ZC3H12B: variants seen among roughly 807,000 people sequenced by gnomAD.
ZC3H12B encodes the protein zinc finger CCCH-type containing 12B.
In ZC3H12B, 7 loss-of-function variants were observed where a neutral mutation model predicts 43.9. The observed-to-expected ratio is 0.16, with a 90% CI of 0.09 to 0.30. The LOEUF is 0.30. Among genes scored for constraint, ZC3H12B ranks in the 10% least tolerant of loss-of-function variants. ZC3H12B has a pLI of 1.00. For missense variants in ZC3H12B, 475 were observed against 670.2 expected (o/e 0.71, Z 3.22); for synonymous variants, 222 against 241.7 (o/e 0.92, Z 0.76).
At chrX:65,264,320 T>G in the ZC3H12B span, among the ~76,000 whole-genome samples, 6 of 111,322 alleles carry the variant, frequency 5.4e-5, no homozygotes, top group Non-Finnish European at 1.1e-4. Context: ...CAAAAAAAAA[T>G]TGAGTGTTTT....
At chrX:65,263,785 A>G in the ZC3H12B span, among the ~76,000 whole-genome samples, 2 of 111,356 alleles carry the variant, frequency 1.8e-5, no homozygotes, top group African/African-American at 6.5e-5. Context: ...TAGATCTATT[A>G]TTCAATCCAG....
chrX:65,251,910 A>C, the ZC3H12B span, among the ~76,000 whole-genome samples: 2 of 111,216 alleles, frequency 1.8e-5, no homozygotes, highest in Non-Finnish European at 3.8e-5. Flanking sequence ...CTCTTTTCCT[A>C]ATTGAATACC....
At chrX:65,180,240 C>T in the ZC3H12B span, among the ~76,000 whole-genome samples, 1 of 111,790 alleles carries the variant, frequency 8.9e-6, no homozygotes, top group East Asian at 2.8e-4. Flanking sequence ...ATAAACAGAA[C>T]CAATGACAAA....
At chrX:65,467,730 T>C (rs2067844798) in intron 3 of ZC3H12B, among the ~76,000 whole-genome samples, 1 of 112,472 alleles carries the variant, frequency 8.9e-6, no homozygotes. Flanking sequence ...CATATGTTTG[T>C]TGGCCATTTG....
At chrX:65,495,025 T>C (rs2068259190) in intron 1 of ZC3H12B, among the ~76,000 whole-genome samples, 1 of 111,402 alleles carries the variant, frequency 9.0e-6, no homozygotes, top group Non-Finnish European at 1.9e-5. Context: ...AGTGGGAAAA[T>C]TCACAACTGA....
the ZC3H12B span, among the ~76,000 whole-genome samples, chrX:65,229,063 C>A: frequency 1.8e-5 from 2 of 110,334 alleles, no homozygotes; most frequent in Non-Finnish European, 3.8e-5. Context: ...CAAAAAAGAG[C>A]CCACATCGCC....
the ZC3H12B span, among the ~76,000 whole-genome samples, chrX:65,337,168 G>A: frequency 9.0e-6 from 1 of 111,021 alleles, no homozygotes; most frequent in Non-Finnish European, 1.9e-5. Flanking sequence ...CTTTACCCAG[G>A]TACCCCACCA....
At chrX:65,180,273 A>T in the ZC3H12B span, among the ~76,000 whole-genome samples, 2 of 112,124 alleles carry the variant, frequency 1.8e-5, no homozygotes, top group Admixed American at 9.5e-5. Flanking sequence ...ATCTCAATAG[A>T]TGTAGAAAAA....
At chrX:65,136,004 T>C in the ZC3H12B span, among the ~76,000 whole-genome samples, 1 of 111,601 alleles carries the variant, frequency 9.0e-6, no homozygotes, top group Non-Finnish European at 1.9e-5. Flanking sequence ...ATTTGTCAGA[T>C]TATTGCAATT....
chrX:65,061,075 A>G, the ZC3H12B span, among the ~76,000 whole-genome samples: 1 of 111,784 alleles, frequency 8.9e-6, no homozygotes, highest in Non-Finnish European at 1.9e-5. Context: ...GTAGCTACTA[A>G]TGATCCTTTG....
At chrX:65,169,283 G>A in the ZC3H12B span, among the ~76,000 whole-genome samples, 10 of 111,830 alleles carry the variant, frequency 8.9e-5, no homozygotes, top group Admixed American at 4.8e-4. Flanking sequence ...GCCTTCATTT[G>A]ATTATGTACC....
chrX:65,034,977 G>C, the ZC3H12B span, among the ~76,000 whole-genome samples: 1 of 112,717 alleles, frequency 8.9e-6, no homozygotes, highest in Non-Finnish European at 1.9e-5. Context: ...GGTCCCTCCA[G>C]AGGCTCAGGC....
At chrX:65,218,101 A>G in the ZC3H12B span, among the ~76,000 whole-genome samples, 1 of 112,485 alleles carries the variant, frequency 8.9e-6, no homozygotes, top group Non-Finnish European at 1.9e-5. Context: ...ACTCTGTTAC[A>G]TCTTACTTCT....
the ZC3H12B span, among the ~76,000 whole-genome samples, chrX:65,305,341 GA>G: frequency 9.0e-6 from 1 of 111,208 alleles, no homozygotes; most frequent in African/African-American, 3.3e-5. Flanking sequence ...AAAAAAAAAA[GA>G]AGATATTACC....
At chrX:65,344,569 C>T in the ZC3H12B span, among the ~76,000 whole-genome samples, 1 of 112,064 alleles carries the variant, frequency 8.9e-6, no homozygotes, top group South Asian at 3.7e-4. Context: ...AAAATCAACT[C>T]AAGATTAATT....
At chrX:65,331,451 C>A in the ZC3H12B span, among the ~76,000 whole-genome samples, 1 of 110,875 alleles carries the variant, frequency 9.0e-6, no homozygotes, top group Non-Finnish European at 1.9e-5. Context: ...CTTATAGAAG[C>A]AGAGAGTAGA....
chrX:65,092,868 A>T, the ZC3H12B span, among the ~76,000 whole-genome samples: 3 of 112,220 alleles, frequency 2.7e-5, no homozygotes, highest in Non-Finnish European at 5.6e-5. Context: ...AAATTTGCAT[A>T]AGTGAAAATG....
the ZC3H12B span, among the ~76,000 whole-genome samples, chrX:65,202,628 C>A: frequency 2.2e-4 from 24 of 111,118 alleles, no homozygotes; most frequent in Non-Finnish European, 3.6e-4. Context: ...AGCTTCCTGG[C>A]GCTTGGGCAA....
chrX:65,105,232 A>G, the ZC3H12B span, among the ~76,000 whole-genome samples: 22 of 109,268 alleles, frequency 2.0e-4, no homozygotes, highest in Non-Finnish European at 4.0e-4. Context: ...CAAGGGGAAC[A>G]TCACACATCA....
Sources: gnomAD v4.1 joint callset for allele counts (sites outside exome capture counted in the v4.1 genomes callset) on GRCh38, gnomAD v4.1.1 for gene constraint, MANE v1.5 for transcripts, NCBI Gene and HGNC (gene_info 2026-07-23, HGNC 2026-07-21) for gene names.